MLLT10: variants seen among roughly 807,000 people sequenced by gnomAD.
MLLT10 encodes MLLT10 histone lysine methyltransferase DOT1L cofactor, also known as protein AF-10.
MLLT10 carries 30 observed loss-of-function variants against 129.1 expected under a neutral mutation model. The ratio of observed to expected loss-of-function variants is 0.23; its 90% confidence interval spans 0.17 to 0.32. MLLT10 has a LOEUF of 0.32. Ranked by LOEUF, MLLT10 falls within the 10% of genes least tolerant of loss-of-function variation. MLLT10 has a pLI of 1.00. For synonymous variants in MLLT10, 490 were observed against 446.4 expected (o/e 1.10, Z -1.23); for missense variants, 1,119 against 1,268.3 (o/e 0.88, Z 1.79).
At chr10:21,551,753 A>AT in intron 3 of MLLT10, 2 of 381,854 alleles carry the variant, frequency 5.2e-6, no homozygotes, top group Non-Finnish European at 9.9e-6. Flanking sequence ...TTGTGTTTAG[A>AT]CTTTTTTTTT....
At chr10:21,534,158 A>C, upstream of MLLT10, 2 of 364,518 alleles carry the variant, frequency 5.5e-6, no homozygotes, top group Non-Finnish European at 9.8e-6. Context: ...GGGGGCAGCC[A>C]ACAGGCCGCG....
intron 13 of MLLT10, among the ~76,000 whole-genome samples, chr10:21,692,047 G>A (rs902808728): frequency 7.3e-5 from 11 of 149,806 alleles, no homozygotes; most frequent in South Asian, 4.2e-4. Flanking sequence ...GTGGTGGCAC[G>A]TCTGTAATCC....
At chr10:21,681,245 C>G (rs1036376555) in intron 11 of MLLT10, 87 bp from the exon 12 acceptor site, 74 of 1,498,162 alleles carry the variant, frequency 4.9e-5, no homozygotes, top group Non-Finnish European at 6.2e-5. Context: ...AGGTGAATTT[C>G]CCTCCATTTT....
At chr10:21,624,748 A>C (rs2046255700) in intron 8 of MLLT10, 9 of 1,237,878 alleles carry the variant, frequency 7.3e-6, no homozygotes, top group Non-Finnish European at 1.1e-5. Flanking sequence ...GCTTGGAATC[A>C]GGTTGGTTGT....
chr10:21,579,862 C>T (rs1220452746), intron 3 of MLLT10, among the ~76,000 whole-genome samples: 1 of 151,958 alleles, frequency 6.6e-6, no homozygotes, highest in Non-Finnish European at 1.5e-5. Context: ...CATGCCTGGC[C>T]TCAGATTAGA....
intron 21 of MLLT10, among the ~76,000 whole-genome samples, chr10:21,737,415 G>C (rs1268000235): frequency 2.6e-5 from 4 of 152,164 alleles, no homozygotes; most frequent in Non-Finnish European, 5.9e-5. Context: ...GTGACAGCGT[G>C]TGTGTATGTT....
intron 4 of MLLT10, among the ~76,000 whole-genome samples, chr10:21,594,553 C>CAAAA (rs34844830): frequency 3.5e-4 from 20 of 57,532 alleles, no homozygotes; most frequent in African/African-American, 5.3e-4. Flanking sequence ...AACTCTGTCT[C>CAAAA]AAAAAAAAAA....
At chr10:21,612,789 A>G (rs1197489550) in intron 6 of MLLT10, among the ~76,000 whole-genome samples, 8 of 152,192 alleles carry the variant, frequency 5.3e-5, no homozygotes, top group Admixed American at 5.2e-4. Flanking sequence ...GTCTGAATAC[A>G]AGGATTCGGT....
chr10:21,618,469 C>T (rs570165351), intron 8 of MLLT10, among the ~76,000 whole-genome samples: 6 of 152,174 alleles, frequency 3.9e-5, no homozygotes, highest in African/African-American at 1.4e-4. Flanking sequence ...CATGCCACTG[C>T]ACTCCAGCCT....
At chr10:21,624,977 C>T (rs2046288049) in intron 8 of MLLT10, 2 of 1,218,890 alleles carry the variant, frequency 1.6e-6, no homozygotes, top group South Asian at 2.9e-5. Context: ...CCTGCCCTCC[C>T]CTTCCTCCTC....
chr10:21,681,240 A>T, intron 11 of MLLT10, 92 bp from the exon 12 acceptor site: 62 of 1,431,490 alleles, frequency 4.3e-5, no homozygotes, highest in African/African-American at 5.7e-5. Context: ...CTTTTAGGTG[A>T]ATTTCCCTCC....
intron 9 of MLLT10, chr10:21,668,923 C>T (rs1025040034): frequency 2.4e-6 from 3 of 1,271,828 alleles, no homozygotes; most frequent in South Asian, 1.4e-5. Flanking sequence ...CTAGGTCATG[C>T]AAGGATCAGA....
At chr10:21,675,388 C>T (rs568635512) in intron 11 of MLLT10, among the ~76,000 whole-genome samples, 11 of 152,316 alleles carry the variant, frequency 7.2e-5, no homozygotes, top group African/African-American at 2.4e-4. Context: ...CACACTCTCC[C>T]TTCCTACAGT....
At chr10:21,534,611 G>T in intron 1 of MLLT10, 34 bp from the exon 2 acceptor site, 1 of 1,593,610 alleles carries the variant, frequency 6.3e-7, no homozygotes, top group Non-Finnish European at 8.6e-7. Context: ...CGGCTTGCAT[G>T]TGTTTTTTAA....
intron 3 of MLLT10, among the ~76,000 whole-genome samples, chr10:21,577,362 C>G (rs1589038781): frequency 6.6e-6 from 1 of 151,736 alleles, no homozygotes; most frequent in East Asian, 1.9e-4. Context: ...TTTGAATTCT[C>G]TTGGGCGTAG....
At chr10:21,730,610 T>C (rs2057892092) in intron 16 of MLLT10, among the ~76,000 whole-genome samples, 1 of 152,244 alleles carries the variant, frequency 6.6e-6, no homozygotes, top group African/African-American at 2.4e-5. Flanking sequence ...CCAAGTTATT[T>C]TACAGCCTAT....
chr10:21,586,222 C>T (rs1377850450), intron 3 of MLLT10, 72 bp from the exon 4 acceptor site: 11 of 1,166,452 alleles, frequency 9.4e-6, no homozygotes, highest in East Asian at 2.6e-5. Flanking sequence ...GTAGTTTTGA[C>T]GTTGCAGGGA....
At chr10:21,608,031 T>G (rs2044237232) in intron 5 of MLLT10, among the ~76,000 whole-genome samples, 3 of 151,932 alleles carry the variant, frequency 2.0e-5, no homozygotes, top group African/African-American at 7.2e-5. Context: ...TCTTTTTTTT[T>G]GGTATTTTGA....
At position 21,685,460 on chromosome 10, in the gene MLLT10, G is replaced by A. The variant is rs375151453; in HGVS notation, c.1699+3203G>A. ...AGCGATTCTCCTGCCTCAGCCTCCC[G>A]AGTAGCTGGGATTACAGGCGCCCAC... On this transcript the variant is annotated intron_variant, in intron 13 of 22. Transcript: ENST00000307729. Among the ~76,000 whole-genome samples, 14 of 152,106 alleles carry A rather than the reference G, an allele frequency of 9.2e-5. No individual in the cohort carries two copies. In the East Asian group the frequency reaches 1.4e-3, roughly 15 times the overall value.
Sources: gnomAD v4.1 joint callset for allele counts (sites outside exome capture counted in the v4.1 genomes callset) on GRCh38, gnomAD v4.1.1 for gene constraint, MANE v1.5 for transcripts, NCBI Gene and HGNC (gene_info 2026-07-23, HGNC 2026-07-21) for gene names.